The following DLG2 variants were observed in gnomAD, a reference collection of about 807,000 sequenced individuals.
DLG2 encodes discs large MAGUK scaffold protein 2.
Under a neutral mutation model 132.5 loss-of-function variants are expected in DLG2, and 45 were observed. The observed-to-expected ratio is 0.34, with a 90% confidence interval of 0.27 to 0.44. The LOEUF is 0.44. Ranked by LOEUF, DLG2 falls within the 20% of genes least tolerant of loss-of-function variation. The probability of loss-of-function intolerance (pLI) is 1.00; values close to 1 mark genes in which losing one functional copy is unlikely to be tolerated. For missense variants in DLG2, 1,045 were observed against 1,196.9 expected, an observed-to-expected ratio of 0.87 and a Z score of 1.87; for synonymous variants, 424 against 419.6, an observed-to-expected ratio of 1.01 and a Z score of -0.13.
chr11:84,467,905 T>C (rs999152474), intron 7 of DLG2, among the ~76,000 whole-genome samples: 4 of 151,482 alleles, frequency 2.6e-5, no homozygotes, highest in African/African-American at 9.7e-5. Context: ...ATTCAATAGG[T>C]AGATAGATAA....
At chr11:85,476,809 A>G (rs2153083980) in intron 3 of DLG2, among the ~76,000 whole-genome samples, 1 of 152,094 alleles carries the variant, frequency 6.6e-6, no homozygotes, top group East Asian at 1.9e-4. Context: ...CTTCTAGAAT[A>G]CCTCCTGAAG....
intron 6 of DLG2, among the ~76,000 whole-genome samples, chr11:84,650,305 A>G (rs779021834): frequency 3.3e-5 from 5 of 152,154 alleles, no homozygotes; most frequent in South Asian, 2.1e-4. Flanking sequence ...GAAGTCACCA[A>G]TGACTTCCTA....
chr11:85,007,432 G>A (rs188439173), intron 6 of DLG2, among the ~76,000 whole-genome samples: 2,224 of 151,974 alleles, frequency 0.015, 70 homozygotes, highest in African/African-American at 0.051. Flanking sequence ...AAGCTAAGGC[G>A]GGTGGATCAC....
At chr11:85,028,952 G>A (rs72957799) in intron 6 of DLG2, among the ~76,000 whole-genome samples, 4,018 of 152,256 alleles carry the variant, frequency 0.026, 85 homozygotes, top group East Asian at 0.09. Context: ...CTCAGTGGCC[G>A]CTCCACACAG....
At chr11:83,680,181 A>G (rs964086707) in intron 18 of DLG2, among the ~76,000 whole-genome samples, 55 of 152,288 alleles carry the variant, frequency 3.6e-4, no homozygotes, top group African/African-American at 1.3e-3. Context: ...AACCACCACC[A>G]AATGAGAAGA....
intron 3 of DLG2, among the ~76,000 whole-genome samples, chr11:85,380,292 C>T (rs1190371771): frequency 1.3e-5 from 2 of 152,194 alleles, no homozygotes; most frequent in Non-Finnish European, 2.9e-5. Flanking sequence ...ATCTCTGCAT[C>T]GAAATACGTT....
At chr11:84,940,311 T>G (rs1172279226) in intron 6 of DLG2, among the ~76,000 whole-genome samples, 1 of 152,152 alleles carries the variant, frequency 6.6e-6, no homozygotes, top group Non-Finnish European at 1.5e-5. Context: ...CCACCACACC[T>G]GGCTAATCTT....
chr11:85,285,350 T>C lies in DLG2; in HGVS notation c.56A>G (p.Tyr19Cys), dbSNP rs2078488754. Reference sequence around the variant, plus strand: ...TTGAGAATTTAGCAATGTCACCTCATAAAATTCTTGGATATCTGTAAAGAA... The same window carrying C: ...TTGAGAATTTAGCAATGTCACCTCACAAAATTCTTGGATATCTGTAAAGAA... ...FQALLDIQEF[Y>C]EVTLLNSQKS... Residue 19 changes from tyrosine (Y) to cysteine (C), a missense_variant, in exon 4 of 28, where the codon TAT becomes TGT. By Grantham distance (194) the Tyr-to-Cys change is radical. Around this residue, in one of 4 missense-constraint regions of DLG2, gnomAD observed 277 missense variants for 238.2 expected, o/e 1.16. Transcript: ENST00000376104. 1 of 1,610,716 alleles carries C rather than the reference T, an allele frequency of 6.2e-7. No individual in the cohort carries two copies. Among genetic ancestry groups the C allele is most frequent in the South Asian group, 1.1e-5 (1 of 90,856 alleles).
intron 6 of DLG2, among the ~76,000 whole-genome samples, chr11:84,614,373 G>A (rs531860671): frequency 3.9e-5 from 6 of 152,268 alleles, no homozygotes; most frequent in African/African-American, 1.4e-4. Flanking sequence ...GTGGGCAAAA[G>A]AAGACATGTA....
At chr11:84,295,654 T>C (rs1048469211) in intron 7 of DLG2, among the ~76,000 whole-genome samples, 3 of 152,172 alleles carry the variant, frequency 2.0e-5, no homozygotes, top group Non-Finnish European at 4.4e-5. Flanking sequence ...ACTAGGGTGA[T>C]TCAGGGTCCA....
intron 7 of DLG2, among the ~76,000 whole-genome samples, chr11:84,480,417 A>G (rs1265433746): frequency 1.3e-5 from 2 of 152,196 alleles, no homozygotes; most frequent in African/African-American, 4.8e-5. Context: ...GAGATTAGCC[A>G]TCTTTATGTA....
intron 19 of DLG2, among the ~76,000 whole-genome samples, chr11:83,606,885 C>T (rs561582682): frequency 5.5e-4 from 84 of 152,106 alleles, no homozygotes; most frequent in African/African-American, 1.9e-3. Flanking sequence ...AGAGATCGCG[C>T]CACTGCACTC....
chr11:84,209,775 T>C (rs186812372), intron 8 of DLG2, among the ~76,000 whole-genome samples: 1 of 152,318 alleles, frequency 6.6e-6, no homozygotes, highest in Admixed American at 6.5e-5. Flanking sequence ...TGCCACTCAC[T>C]GGAATAGCTA....
At chr11:85,485,798 T>A (rs1192591117) in intron 3 of DLG2, among the ~76,000 whole-genome samples, 2 of 152,136 alleles carry the variant, frequency 1.3e-5, no homozygotes, top group African/African-American at 4.8e-5. Context: ...GGAACCCACA[T>A]GGAGTCCCAC....
At chr11:83,480,420 G>C in intron 22 of DLG2, 1 of 1,535,138 alleles carries the variant, frequency 6.5e-7, no homozygotes. Context: ...TGTTCTGCAA[G>C]AACAGCACAG....
At chr11:83,791,764 G>A (rs2041622647) in intron 17 of DLG2, among the ~76,000 whole-genome samples, 1 of 152,176 alleles carries the variant, frequency 6.6e-6, no homozygotes, top group African/African-American at 2.4e-5. Context: ...GGAAGAGCCC[G>A]TCTCCGAAGG....
intron 9 of DLG2, among the ~76,000 whole-genome samples, chr11:84,155,057 C>A (rs1245789976): frequency 1.3e-5 from 2 of 152,220 alleles, no homozygotes; most frequent in Non-Finnish European, 2.9e-5. Flanking sequence ...AGAACTCATA[C>A]AAATTTACAA....
chr11:84,544,997 T>C, intron 6 of DLG2: 2 of 401,244 alleles, frequency 5.0e-6, no homozygotes, highest in South Asian at 1.9e-5. Flanking sequence ...ACATGAGTAT[T>C]GTCTAAAACA....
rs374161645 is a variant in DLG2, at chr11:83,933,082, T to A, written c.1341-2599A>T. 8.5e-5 allele frequency among the ~76,000 whole-genome samples: 13 copies of A among 152,310 alleles called. No homozygotes were observed. In the South Asian group the frequency reaches 2.5e-3, roughly 29 times the overall value. Reference sequence around the variant, plus strand: ...TCTTAGTCTTTCCCTGCAGTTATATTCTGTGTGACCTCTGCCCATCAGACA... The same window carrying A: ...TCTTAGTCTTTCCCTGCAGTTATATACTGTGTGACCTCTGCCCATCAGACA... On this transcript the variant is annotated intron_variant, in intron 14 of 27. Transcript: ENST00000376104.
Sources: allele counts gnomAD v4.1 joint callset (sites outside exome capture counted in the v4.1 genomes callset), GRCh38; gene constraint gnomAD v4.1.1; regional missense constraint gnomAD v4.1.1; transcripts MANE v1.5; gene names NCBI Gene and HGNC (gene_info 2026-07-23, HGNC 2026-07-21).